SV2C: variants seen among roughly 807,000 people sequenced by gnomAD.
SV2C encodes the protein solute carrier family 22 member B3.
A neutral mutation model predicts 79.7 loss-of-function variants in SV2C; 49 were observed. The observed-to-expected ratio is 0.61, with a 90% CI of 0.49 to 0.78. The LOEUF (loss-of-function observed/expected upper bound fraction) is 0.78. SV2C is among the 30% of genes least tolerant of loss of function. SV2C has a pLI of 0.00. For missense variants in SV2C, 833 were observed against 912.9 expected (o/e 0.91, Z 1.13); for synonymous variants, 334 against 333.2 (o/e 1.00, Z -0.03).
chr5:76,235,324 C>T lies in SV2C; in HGVS notation c.913+25437C>T, dbSNP rs113973366. On this transcript the variant is annotated intron_variant, in intron 4 of 12. Transcript: ENST00000502798. ...CTTGGCAGCAAGGTAAATGAGGCCC[C>T]GTTAGATTTTCTTTCTGGTTATGTT... Among the ~76,000 whole-genome samples the T allele has an allele frequency of 8.0e-4, 121 of 152,146 alleles. 1 individual carries two copies. The highest frequency in any genetic ancestry group is 3.4e-3 in the Middle Eastern group (1 of 294).
chr5:75,861,937 C>T, the SV2C span, among the ~76,000 whole-genome samples: 3 of 152,180 alleles, frequency 2.0e-5, no homozygotes, highest in Admixed American at 6.5e-5. Context: ...ACCTATGTAA[C>T]AAACCTGTAC....
the SV2C span, among the ~76,000 whole-genome samples, chr5:75,944,072 C>T: frequency 0.026 from 3,993 of 152,232 alleles, 175 homozygotes; most frequent in African/African-American, 0.091. Flanking sequence ...GGCTGTAGTG[C>T]AGTGGCACTA....
At chr5:75,901,542 GA>G in the SV2C span, among the ~76,000 whole-genome samples, 1 of 152,212 alleles carries the variant, frequency 6.6e-6, no homozygotes, top group Non-Finnish European at 1.5e-5. Context: ...AGGGGTCAGG[GA>G]CCCACTTGAG....
At chr5:75,927,933 C>T in the SV2C span, among the ~76,000 whole-genome samples, 1 of 152,222 alleles carries the variant, frequency 6.6e-6, no homozygotes, top group East Asian at 1.9e-4. Context: ...GGTAGCCCTA[C>T]AGGAATTCCC....
In SV2C at chr5:76,202,251, G is replaced by A. The variant is rs538123204; in HGVS notation, c.761+7152G>A. ...ATCAAACACCTCTATAGTGCTTGCC[G>A]CGTGAGAGATGCTGTGTTCAGCACT... On this transcript the variant is annotated intron_variant, in intron 3 of 12. Transcript: ENST00000502798. Among the ~76,000 whole-genome samples the A allele has an allele frequency of 5.3e-5, 8 of 152,226 alleles. No homozygotes were observed. The South Asian group carries it at 1.2e-3, about 24-fold the overall frequency.
Position 76,325,345 on chromosome 5 carries a change from A to G in SV2C, c.2001-19A>G, listed in dbSNP as rs1049915191. 1 of 1,612,872 alleles carries G rather than the reference A, an allele frequency of 6.2e-7. No homozygotes were observed. The highest frequency in any genetic ancestry group is 1.1e-5 in the South Asian group (1 of 90,920). On this transcript the variant is annotated intron_variant, in intron 12 of 12. Transcript: ENST00000502798. ...GGGAGGCATTTTCTCAACCTTGTTC[A>G]TGTCTCTTTCCTTTGCAGGGCAACA...
At chr5:76,002,793 A>G in the SV2C span, among the ~76,000 whole-genome samples, 1 of 152,338 alleles carries the variant, frequency 6.6e-6, no homozygotes, top group Admixed American at 6.5e-5. Flanking sequence ...AGAAGTGTAG[A>G]TAAAAATGAT....
chr5:76,116,099 G>A (rs545655189), intron 1 of SV2C, among the ~76,000 whole-genome samples: 6 of 152,328 alleles, frequency 3.9e-5, no homozygotes, highest in African/African-American at 1.4e-4. Context: ...ATCCAACAGA[G>A]TAGGTTCTAG....
At chr5:75,936,709 A>G in the SV2C span, among the ~76,000 whole-genome samples, 1 of 152,214 alleles carries the variant, frequency 6.6e-6, no homozygotes, top group Admixed American at 6.5e-5. Context: ...GTGTCTAATC[A>G]TTATTCACTC....
intron 4 of SV2C, among the ~76,000 whole-genome samples, chr5:76,222,148 C>T (rs1172081313): frequency 6.6e-6 from 1 of 152,208 alleles, no homozygotes; most frequent in East Asian, 1.9e-4. Flanking sequence ...ATACACCTAA[C>T]ATATCACTCC....
chr5:76,169,327 G>A (rs1257507772), intron 2 of SV2C, among the ~76,000 whole-genome samples: 2 of 152,126 alleles, frequency 1.3e-5, no homozygotes, highest in East Asian at 1.9e-4. Context: ...GTGACGAGAT[G>A]GGCTCAGATC....
chr5:76,235,742 A>G (rs1006315920), intron 4 of SV2C, among the ~76,000 whole-genome samples: 1 of 152,058 alleles, frequency 6.6e-6, no homozygotes, highest in African/African-American at 2.4e-5. Context: ...TTTCAGATCT[A>G]GAGAAAAACA....
chr5:75,879,832 G>A, the SV2C span, among the ~76,000 whole-genome samples: 1 of 152,196 alleles, frequency 6.6e-6, no homozygotes, highest in Non-Finnish European at 1.5e-5. Flanking sequence ...CTCTGTTAAG[G>A]TTCTGCCTCT....
intron 2 of SV2C, among the ~76,000 whole-genome samples, chr5:76,147,587 T>G (rs1241040462): frequency 2.6e-5 from 4 of 152,174 alleles, no homozygotes; most frequent in African/African-American, 9.7e-5. Flanking sequence ...CTGGGGAATT[T>G]GAGAGTAGAG....
the SV2C span, among the ~76,000 whole-genome samples, chr5:75,899,804 C>A: frequency 3.3e-5 from 5 of 151,926 alleles, no homozygotes; most frequent in Non-Finnish European, 4.4e-5. Flanking sequence ...TGAATTGATC[C>A]CTTTATCAGT....
At chr5:76,192,880 A>G (rs1236495986) in intron 2 of SV2C, among the ~76,000 whole-genome samples, 1 of 152,226 alleles carries the variant, frequency 6.6e-6, no homozygotes, top group African/African-American at 2.4e-5. Context: ...CATTTTTTAT[A>G]CTAACTGTGT....
chr5:75,967,921 C>A, the SV2C span, among the ~76,000 whole-genome samples: 5 of 152,072 alleles, frequency 3.3e-5, no homozygotes, highest in East Asian at 3.9e-4. Flanking sequence ...AGGCACCCCC[C>A]AGTAGGGGCA....
At chr5:75,962,886 A>G in the SV2C span, among the ~76,000 whole-genome samples, 1 of 152,192 alleles carries the variant, frequency 6.6e-6, no homozygotes, top group African/African-American at 2.4e-5. Context: ...AAAATGAGAA[A>G]AGATGCTAAA....
chr5:75,986,069 T>C, the SV2C span, among the ~76,000 whole-genome samples: 8 of 149,376 alleles, frequency 5.4e-5, no homozygotes, highest in African/African-American at 1.9e-4. Context: ...AACTAATATT[T>C]TACATACTAA....
Sources: allele counts gnomAD v4.1 joint callset (sites outside exome capture counted in the v4.1 genomes callset), GRCh38; gene constraint gnomAD v4.1.1; transcripts MANE v1.5; gene names NCBI Gene and HGNC (gene_info 2026-07-23, HGNC 2026-07-21).